L3MBTL4: variants seen among roughly 807,000 people sequenced by gnomAD.
The protein encoded by L3MBTL4 is L3MBTL histone methyl-lysine binding protein 4.
In L3MBTL4, 70 loss-of-function variants were observed where a neutral mutation model predicts 84.5. The ratio of observed to expected loss-of-function variants is 0.83; its 90% CI spans 0.68 to 1.01. The LOEUF (loss-of-function observed/expected upper bound fraction) is 1.01. Among genes scored for constraint, L3MBTL4 ranks in the 50% least tolerant of loss-of-function variants. L3MBTL4 has a pLI of 0.00. For synonymous variants in L3MBTL4, 274 were observed against 259.8 expected, an observed-to-expected ratio of 1.05 and a Z score of -0.52; for missense variants, 715 against 754.8, an observed-to-expected ratio of 0.95 and a Z score of 0.62.
At chr18:6,177,279 A>C (rs1568262053) in intron 12 of L3MBTL4, among the ~76,000 whole-genome samples, 2 of 152,250 alleles carry the variant, frequency 1.3e-5, no homozygotes. Context: ...AACGAATGCT[A>C]GTTCAGCAAT....
intron 1 of L3MBTL4, among the ~76,000 whole-genome samples, chr18:6,409,939 C>T (rs927471182): frequency 6.6e-6 from 1 of 152,198 alleles, no homozygotes; most frequent in African/African-American, 2.4e-5. Flanking sequence ...TTCGCCTACC[C>T]TCTAACCCAT....
chr18:6,124,657 G>A (rs1598830683), intron 14 of L3MBTL4, among the ~76,000 whole-genome samples: 1 of 151,962 alleles, frequency 6.6e-6, no homozygotes, highest in Non-Finnish European at 1.5e-5. Context: ...TTTCTAATAT[G>A]CAAAGATTTT....
At chr18:6,283,101 C>T (rs1277961684) in intron 4 of L3MBTL4, among the ~76,000 whole-genome samples, 1 of 152,062 alleles carries the variant, frequency 6.6e-6, no homozygotes, top group African/African-American at 2.4e-5. Flanking sequence ...CCTTTCATCC[C>T]AAAATAATTA....
chr18:6,086,346 A>C (rs903576329), intron 15 of L3MBTL4, among the ~76,000 whole-genome samples: 15 of 152,232 alleles, frequency 9.9e-5, no homozygotes, highest in Non-Finnish European at 1.6e-4. Context: ...AGCCTGAGCC[A>C]AGGCAGGATT....
At chr18:6,392,893 G>A (rs1477259859) in intron 1 of L3MBTL4, among the ~76,000 whole-genome samples, 1 of 152,234 alleles carries the variant, frequency 6.6e-6, no homozygotes, top group African/African-American at 2.4e-5. Context: ...GACATATAGA[G>A]TGGTATCAAG....
At chr18:6,171,098 T>C (rs762034107) in intron 13 of L3MBTL4, among the ~76,000 whole-genome samples, 85 of 152,180 alleles carry the variant, frequency 5.6e-4, no homozygotes, top group Non-Finnish European at 2.1e-4. Context: ...GCTGGCTCCA[T>C]GTAAGATATC....
At chr18:6,078,322 G>A (rs2057933006) in intron 16 of L3MBTL4, among the ~76,000 whole-genome samples, 1 of 148,808 alleles carries the variant, frequency 6.7e-6, no homozygotes, top group Non-Finnish European at 1.5e-5. Flanking sequence ...AGTTACTTGA[G>A]AGGCTGAGAC....
chr18:6,257,621 TTTTTTCTTTTTC>T lies in L3MBTL4; in HGVS notation c.219+6314_219+6325del, dbSNP rs1180116600. 6.6e-5 allele frequency among the ~76,000 whole-genome samples: 10 copies of T among 151,516 alleles called. No homozygotes were observed. In the South Asian group the frequency reaches 1.0e-3, roughly 16 times the overall value. Reference sequence around the variant, plus strand: ...CATTCTAAAAGGAAATGTTCTTTTCTTTTTTCTTTTTCTTTTTCTTTTTCTTTTTTTTTTTTT... The same window carrying T: ...CATTCTAAAAGGAAATGTTCTTTTCTTTTTTCTTTTTCTTTTTTTTTTTTT... On this transcript the variant is annotated intron_variant, in intron 5 of 18. Transcript: ENST00000317931.
chr18:6,376,126 C>T (rs939108674), intron 1 of L3MBTL4, among the ~76,000 whole-genome samples: 1 of 152,208 alleles, frequency 6.6e-6, no homozygotes, highest in Non-Finnish European at 1.5e-5. Context: ...TCTCCCTGCT[C>T]GCCTCACTGG....
At chr18:5,958,478 G>A (rs115799240) in intron 18 of L3MBTL4, among the ~76,000 whole-genome samples, 27 of 152,272 alleles carry the variant, frequency 1.8e-4, no homozygotes, top group African/African-American at 6.5e-4. Context: ...ATTGTCCTAA[G>A]AATAAGGTCG....
At chr18:6,262,335 C>T (rs1455261396) in intron 5 of L3MBTL4, among the ~76,000 whole-genome samples, 4 of 152,158 alleles carry the variant, frequency 2.6e-5, no homozygotes, top group Admixed American at 2.6e-4. Flanking sequence ...GAAGAGTTTC[C>T]CTAGAAGTCA....
chr18:6,088,545 C>T lies in L3MBTL4; in HGVS notation c.1373+4810G>A, dbSNP rs1360321523. Among the ~76,000 whole-genome samples the T allele has an allele frequency of 4.8e-5, 7 of 145,462 alleles. No individual in the cohort carries two copies. The South Asian group carries it at 1.5e-3, about 31-fold the overall frequency. On this transcript the variant is annotated intron_variant, in intron 15 of 18. Transcript: ENST00000317931. The stretch of plus-strand genomic sequence containing the variant: ...CAGTGCAGGAATGAAAACAACACTG[C>T]AGGCGATGATGGGGAGTGAGTGGGG...
intron 12 of L3MBTL4, among the ~76,000 whole-genome samples, chr18:6,181,694 C>T (rs1031737864): frequency 6.6e-6 from 1 of 152,120 alleles, no homozygotes; most frequent in Non-Finnish European, 1.5e-5. Context: ...GCCCCAGCAT[C>T]TCTTGTTCTC....
intron 16 of L3MBTL4, among the ~76,000 whole-genome samples, chr18:5,976,102 C>A (rs1385842147): frequency 6.6e-6 from 1 of 152,164 alleles, no homozygotes. Flanking sequence ...CACCTGTGTA[C>A]TATCCAATAA....
At chr18:6,318,702 T>C (rs1274596060) in intron 1 of L3MBTL4, among the ~76,000 whole-genome samples, 2 of 151,880 alleles carry the variant, frequency 1.3e-5, no homozygotes, top group Non-Finnish European at 2.9e-5. Context: ...AACACCGCAC[T>C]GACAGCACTA....
At chr18:6,328,175 A>G (rs1454863699) in intron 1 of L3MBTL4, among the ~76,000 whole-genome samples, 1 of 152,216 alleles carries the variant, frequency 6.6e-6, no homozygotes, top group East Asian at 1.9e-4. Flanking sequence ...TTCTAAAAGT[A>G]TATTGCTGCT....
intron 4 of L3MBTL4, among the ~76,000 whole-genome samples, chr18:6,297,919 G>T (rs997959743): frequency 6.6e-6 from 1 of 152,070 alleles, no homozygotes; most frequent in Admixed American, 6.6e-5. Flanking sequence ...ACACAATGTT[G>T]TACCTATTTC....
chr18:6,137,440 T>C (rs1278171948), intron 14 of L3MBTL4, among the ~76,000 whole-genome samples: 1 of 152,206 alleles, frequency 6.6e-6, no homozygotes, highest in Non-Finnish European at 1.5e-5. Flanking sequence ...GTATTATGCT[T>C]AGATCCTTTA....
chr18:6,142,279 AC>A (rs1451516886), intron 13 of L3MBTL4, among the ~76,000 whole-genome samples: 1 of 152,220 alleles, frequency 6.6e-6, no homozygotes, highest in Non-Finnish European at 1.5e-5. Context: ...TGTTTGTGGA[AC>A]AGGTGAGTGT....
Sources: gnomAD v4.1 joint callset for allele counts (sites outside exome capture counted in the v4.1 genomes callset) on GRCh38, gnomAD v4.1.1 for gene constraint, MANE v1.5 for transcripts, NCBI Gene and HGNC (gene_info 2026-07-23, HGNC 2026-07-21) for gene names.